Variants in NOMO1 observed in about 807,000 individuals in gnomAD.
The protein encoded by NOMO1 is nodal modulator 3.
Under a neutral mutation model 133.8 loss-of-function variants are expected in NOMO1, and 40 were observed. That is an observed-to-expected ratio of 0.30 (90% confidence interval 0.23 to 0.39). The LOEUF (loss-of-function observed/expected upper bound fraction) is 0.39. Ranked by LOEUF, NOMO1 falls within the 10% of genes least tolerant of loss-of-function variation. NOMO1 has a pLI of 1.00. For synonymous variants in NOMO1, 236 were observed against 570.5 expected (o/e 0.41, Z 8.36); for missense variants, 462 against 1,419.9 (o/e 0.33, Z 10.84).
intron 23 of NOMO1, 86 bp downstream of exon 23, chr16:14,878,920 A>T: frequency 6.3e-7 from 1 of 1,577,946 alleles, no homozygotes; most frequent in Non-Finnish European, 8.7e-7. Context: ...GTTGCTTGAC[A>T]ACGTGAGAAG....
chr16:14,886,129 C>G (rs1461652589), intron 27 of NOMO1, among the ~76,000 whole-genome samples: 1 of 151,996 alleles, frequency 6.6e-6, no homozygotes, highest in Non-Finnish European at 1.5e-5. Context: ...GGAGTGAGAA[C>G]AGGCAAGAAC....
At chr16:14,859,234 C>G (rs935342148) in intron 11 of NOMO1, among the ~76,000 whole-genome samples, 2 of 151,812 alleles carry the variant, frequency 1.3e-5, no homozygotes, top group African/African-American at 4.8e-5. Context: ...GGAGCTGGGC[C>G]CTGGTGAACA....
At chr16:14,894,427 G>T (rs1215168940) in intron 29 of NOMO1, among the ~76,000 whole-genome samples, 1 of 152,024 alleles carries the variant, frequency 6.6e-6, no homozygotes, top group Non-Finnish European at 1.5e-5. Flanking sequence ...GCTGGAAAAG[G>T]TGATCTATAT....
chr16:14,840,073 T>A (rs1262500712), intron 2 of NOMO1, among the ~76,000 whole-genome samples: 1 of 132,116 alleles, frequency 7.6e-6, no homozygotes, highest in Admixed American at 8.0e-5. Flanking sequence ...CGCTGCATAG[T>A]GTGTCAGAGT....
Position 14,857,615 on chromosome 16 carries a change from G to A in NOMO1, c.1180G>A (p.Ala394Thr). The A allele has an allele frequency of 1.2e-6, 2 of 1,613,462 alleles. No homozygotes were observed. Among genetic ancestry groups the A allele is most frequent in the Non-Finnish European group, 1.7e-6 (2 of 1,179,796 alleles). ...CTTTGAAACGGTCACCATCAAAATT[G>A]CACCGAACACACCTCAGCTGGCTGA... Reference protein sequence around the residue: ...LYFETVTIKIAPNTPQLADII... With the variant: ...LYFETVTIKITPNTPQLADII... Residue 394 changes from alanine to threonine, a missense_variant, in exon 11 of 31, where the codon GCA (alanine) becomes ACA (threonine). By Grantham distance (58) the Ala-to-Thr change is moderately conservative. Coordinates refer to ENST00000287667, the MANE Select transcript of NOMO1 (RefSeq NM_014287.4).
At chr16:14,845,463 C>CAG (rs1963665768) in intron 4 of NOMO1, among the ~76,000 whole-genome samples, 1 of 152,058 alleles carries the variant, frequency 6.6e-6, no homozygotes, top group Non-Finnish European at 1.5e-5. Context: ...CCAGAGAGAG[C>CAG]ATGCATCTGC....
At chr16:14,894,923 G>A in intron 29 of NOMO1, 75 bp from the exon 30 acceptor site, 1 of 1,611,022 alleles carries the variant, frequency 6.2e-7, no homozygotes, top group South Asian at 1.1e-5. Flanking sequence ...CTGGGTGGGT[G>A]GTGGCTGTGG....
intron 9 of NOMO1, among the ~76,000 whole-genome samples, chr16:14,855,609 G>A (rs1963822650): frequency 1.3e-5 from 2 of 151,874 alleles, no homozygotes; most frequent in Non-Finnish European, 1.5e-5. Context: ...TACACTGGAG[G>A]GGAAAGAGAA....
At chr16:14,892,273 A>G (rs1964416017) in intron 29 of NOMO1, among the ~76,000 whole-genome samples, 1 of 151,776 alleles carries the variant, frequency 6.6e-6, no homozygotes, top group Admixed American at 6.6e-5. Flanking sequence ...CAGAAAGATA[A>G]GCATATACAA....
intron 22 of NOMO1, among the ~76,000 whole-genome samples, chr16:14,877,155 GTTTT>G (rs758384408): frequency 1.7e-5 from 2 of 117,592 alleles, no homozygotes; most frequent in African/African-American, 3.0e-5. Flanking sequence ...ATATACTGTT[GTTTT>G]TTTTTTTTTT....
chr16:14,870,331 C>T (rs1209013225), intron 16 of NOMO1, among the ~76,000 whole-genome samples: 1 of 151,134 alleles, frequency 6.6e-6, no homozygotes, highest in Non-Finnish European at 1.5e-5. Context: ...TGTTAGAAAA[C>T]TTATGTTTAA....
intron 4 of NOMO1, among the ~76,000 whole-genome samples, chr16:14,845,595 A>G (rs1184766995): frequency 6.6e-6 from 1 of 152,068 alleles, no homozygotes; most frequent in East Asian, 1.9e-4. Context: ...TCAGATTCTC[A>G]GGGGAGAGTC....
chr16:14,869,229 C>T (rs1373129699), intron 16 of NOMO1, among the ~76,000 whole-genome samples: 4 of 151,712 alleles, frequency 2.6e-5, no homozygotes, highest in African/African-American at 7.3e-5. Context: ...TGAGCTGCTG[C>T]ACCCAACCTT....
intron 9 of NOMO1, among the ~76,000 whole-genome samples, chr16:14,856,515 G>A (rs1387940734): frequency 6.6e-6 from 1 of 151,694 alleles, no homozygotes; most frequent in Non-Finnish European, 1.5e-5. Flanking sequence ...GAGTTGAAGC[G>A]ATTCTCCTGC....
chr16:14,854,333 T>A (rs1304098364), intron 9 of NOMO1, among the ~76,000 whole-genome samples: 2 of 125,848 alleles, frequency 1.6e-5, no homozygotes, highest in African/African-American at 6.4e-5. Flanking sequence ...GTGGACCTCA[T>A]TTTTTTTTTT....
chr16:14,886,679 G>C, intron 27 of NOMO1, 82 bp from the exon 28 acceptor site: 2 of 1,609,532 alleles, frequency 1.2e-6, no homozygotes, highest in Non-Finnish European at 1.7e-6. Context: ...CACCCAGAAA[G>C]CGGCTGTCCT....
intron 9 of NOMO1, among the ~76,000 whole-genome samples, chr16:14,854,436 G>A (rs1236183973): frequency 9.7e-6 from 1 of 103,058 alleles, no homozygotes; most frequent in Non-Finnish European, 2.0e-5. Flanking sequence ...CAGGGCTCAA[G>A]TGATCCTCCC....
At chr16:14,892,242 C>CAA (rs995882423) in intron 29 of NOMO1, among the ~76,000 whole-genome samples, 1 of 140,456 alleles carries the variant, frequency 7.1e-6, no homozygotes, top group African/African-American at 2.6e-5. Context: ...AAGACTGTTT[C>CAA]AAAAAAAAAA....
intron 2 of NOMO1, among the ~76,000 whole-genome samples, chr16:14,839,245 G>A (rs972501855): frequency 2.6e-5 from 4 of 151,706 alleles, no homozygotes; most frequent in African/African-American, 7.3e-5. Context: ...TAATAGTGAC[G>A]GGGTTTTGCC....
Sources: gnomAD v4.1 joint callset for allele counts (sites outside exome capture counted in the v4.1 genomes callset) on GRCh38, gnomAD v4.1.1 for gene constraint, MANE v1.5 for transcripts, NCBI Gene and HGNC (gene_info 2026-07-23, HGNC 2026-07-21) for gene names.